Variants in PCDH11Y observed in about 807,000 individuals in gnomAD.
PCDH11Y encodes protocadherin 11 Y-linked, also known as protocadherin-11 Y-linked.
For synonymous variants in PCDH11Y, 9 were observed against 83.6 expected (o/e 0.11, Z 4.87); for missense variants, 12 against 224.8 (o/e 0.05, Z 6.05).
chrY:5,149,570 AC>A (rs2052861666), intron 2 of PCDH11Y, among the ~76,000 whole-genome samples: 1 of 12,656 alleles, frequency 7.9e-5, no homozygotes. Context: ...ATACACACAC[AC>A]AAACACACAC....
intron 4 of PCDH11Y, among the ~76,000 whole-genome samples, chrY:5,733,985 G>T: frequency 3.0e-4 from 10 of 33,205 alleles, no homozygotes; most frequent in African/African-American, 4.7e-4. Context: ...GTGAGTGAGT[G>T]ATCTGAATGT....
chrY:5,366,086 G>A, intron 2 of PCDH11Y, among the ~76,000 whole-genome samples: 2 of 33,620 alleles, frequency 5.9e-5, no homozygotes, highest in African/African-American at 2.3e-4. Context: ...CATTGAAGAC[G>A]AAGCTCTTTC....
intron 3 of PCDH11Y, among the ~76,000 whole-genome samples, chrY:5,527,904 G>A (rs2124691155): frequency 3.0e-5 from 1 of 33,212 alleles, no homozygotes; most frequent in South Asian, 6.6e-4. Context: ...ATTCTGTAGC[G>A]TTACAGCTTT....
At chrY:5,082,457 G>T in intron 1 of PCDH11Y, among the ~76,000 whole-genome samples, 1 of 33,047 alleles carries the variant, frequency 3.0e-5, no homozygotes, top group Non-Finnish European at 7.5e-5. Context: ...CAGAAGAAAT[G>T]GTATCAGCTC....
At chrY:5,636,136 T>G (rs2053517545) in intron 4 of PCDH11Y, among the ~76,000 whole-genome samples, 1 of 33,801 alleles carries the variant, frequency 3.0e-5, no homozygotes, top group Non-Finnish European at 7.4e-5. Context: ...GACTGGGTGT[T>G]TTTCTGACAA....
intron 2 of PCDH11Y, among the ~76,000 whole-genome samples, chrY:5,369,508 TTCCCAGTCTTGGG>T: frequency 3.0e-5 from 1 of 33,359 alleles, no homozygotes; most frequent in Non-Finnish European, 7.4e-5. Context: ...CCTCTTTTTC[TTCCCAGTCTTGGG>T]TATGTCTTTA....
intron 2 of PCDH11Y, among the ~76,000 whole-genome samples, chrY:5,212,681 T>A: frequency 3.0e-5 from 1 of 32,855 alleles, no homozygotes; most frequent in Non-Finnish European, 7.4e-5. Context: ...TGAGCAATAC[T>A]ATAATACATA....
At chrY:5,592,247 T>C in intron 4 of PCDH11Y, among the ~76,000 whole-genome samples, 4 of 33,567 alleles carry the variant, frequency 1.2e-4, no homozygotes, top group Non-Finnish European at 1.5e-4. Context: ...GTTCTTCTTG[T>C]TGAATTGAAC....
intron 2 of PCDH11Y, among the ~76,000 whole-genome samples, chrY:5,139,453 C>T: frequency 1.3e-4 from 4 of 31,356 alleles, no homozygotes; most frequent in African/African-American, 3.7e-4. Flanking sequence ...ATCAAACTGT[C>T]GCTGTTCACT....
intron 2 of PCDH11Y, among the ~76,000 whole-genome samples, chrY:5,387,077 G>A: frequency 1.0e-4 from 3 of 29,771 alleles, no homozygotes; most frequent in African/African-American, 4.0e-4. Context: ...CCATGCTGGA[G>A]TGCAGTGGTG....
At chrY:5,447,919 G>A in intron 2 of PCDH11Y, among the ~76,000 whole-genome samples, 1 of 31,001 alleles carries the variant, frequency 3.2e-5, no homozygotes, top group Non-Finnish European at 7.8e-5. Flanking sequence ...GTTCAATTAA[G>A]CAACACACAC....
At chrY:5,633,033 C>G in intron 4 of PCDH11Y, among the ~76,000 whole-genome samples, 1 of 32,179 alleles carries the variant, frequency 3.1e-5, no homozygotes, top group African/African-American at 1.2e-4. Flanking sequence ...TTTTAGAACA[C>G]TTTTCCTCAC....
chrY:5,513,199 T>C, intron 3 of PCDH11Y, among the ~76,000 whole-genome samples: 1 of 31,191 alleles, frequency 3.2e-5, no homozygotes, highest in Non-Finnish European at 7.7e-5. Flanking sequence ...CCCGGCTAAT[T>C]TTTTTTTGTA....
chrY:5,670,928 T>C, intron 4 of PCDH11Y, among the ~76,000 whole-genome samples: 1 of 33,306 alleles, frequency 3.0e-5, no homozygotes, highest in Non-Finnish European at 7.5e-5. Flanking sequence ...TTTAAATATT[T>C]AATCCATTTT....
intron 1 of PCDH11Y, among the ~76,000 whole-genome samples, chrY:5,070,283 T>A: frequency 9.1e-5 from 3 of 33,048 alleles, no homozygotes; most frequent in African/African-American, 2.4e-4. Context: ...CCTGCTACGA[T>A]GAAGACTTCT....
chrY:5,044,924 G>A, intron 3 of PCDH11Y, among the ~76,000 whole-genome samples: 1 of 32,776 alleles, frequency 3.1e-5, no homozygotes, highest in African/African-American at 1.2e-4. Context: ...TCAGAGACTA[G>A]GATTGCAATC....
Position 5,365,842 on chromosome Y carries a change from A to C in PCDH11Y, c.3130-135215A>C, listed in dbSNP as rs2124672508. On this transcript the variant is annotated intron_variant, in intron 2 of 4. Coordinates refer to the PCDH11Y transcript ENST00000400457. ...TTAAAAATTCTATATTCCATTTTTC[A>C]TTGTTTATGTTATTTACCTAAGTGT... 9.0e-5 allele frequency among the ~76,000 whole-genome samples: 3 copies of C among 33,454 alleles called. No individual in the cohort carries two copies. In the East Asian group the frequency reaches 2.3e-3, roughly 26 times the overall value. The allele number at this position is 33,454 out of a possible 37,273, so 89.8% of individuals were successfully genotyped here.
At chrY:5,102,600 TG>T (rs2052781573), downstream of PCDH11Y, among the ~76,000 whole-genome samples, 9 of 31,729 alleles carry the variant, frequency 2.8e-4, no homozygotes, top group Non-Finnish European at 6.2e-4. Context: ...AAGGAGGGCA[TG>T]GATGAAGAAC....
At chrY:5,254,498 A>G (rs2124657241) in intron 2 of PCDH11Y, among the ~76,000 whole-genome samples, 34 of 33,692 alleles carry the variant, frequency 1.0e-3, no homozygotes, top group African/African-American at 3.6e-3. Flanking sequence ...AGAAACAATA[A>G]GTAGATTTCA....
Sources: gnomAD v4.1 joint callset for allele counts (sites outside exome capture counted in the v4.1 genomes callset) on GRCh38, gnomAD v4.1.1 for gene constraint, MANE v1.5 for transcripts, NCBI Gene and HGNC (gene_info 2026-07-23, HGNC 2026-07-21) for gene names.